Variants in NRG1 observed in about 807,000 individuals in gnomAD.
NRG1 encodes neuregulin 1.
A neutral mutation model predicts 63.8 loss-of-function variants in NRG1; 18 were observed. The ratio of observed to expected loss-of-function variants is 0.28; its 90% CI spans 0.19 to 0.42. The LOEUF is 0.42. NRG1 is among the 10% of genes least tolerant of loss of function. NRG1 has a pLI of 1.00. For missense variants in NRG1, 762 were observed against 814.7 expected, an observed-to-expected ratio of 0.94 and a Z score of 0.79; for synonymous variants, 302 against 301.3, an observed-to-expected ratio of 1.00 and a Z score of -0.02.
chr8:31,989,494 A>T (rs1343806482), intron 1 of NRG1, among the ~76,000 whole-genome samples: 1 of 151,984 alleles, frequency 6.6e-6, no homozygotes, highest in East Asian at 2.0e-4. Flanking sequence ...TAATCTCTAG[A>T]GTAATCTCCA....
intron 1 of NRG1, among the ~76,000 whole-genome samples, chr8:32,391,583 T>G (rs1811773757): frequency 6.6e-6 from 1 of 152,138 alleles, no homozygotes; most frequent in South Asian, 2.1e-4. Flanking sequence ...TCTCATCATG[T>G]AGCTCCCACT....
chr8:31,644,772 A>G (rs13256889), intron 1 of NRG1, among the ~76,000 whole-genome samples: 31,227 of 151,984 alleles, frequency 0.21, 3,786 homozygotes, highest in East Asian at 0.3. Flanking sequence ...GTACATTTCA[A>G]TGACAATTTA....
At chr8:32,554,081 G>A (rs185799983) in intron 1 of NRG1, among the ~76,000 whole-genome samples, 2 of 152,088 alleles carry the variant, frequency 1.3e-5, no homozygotes, top group African/African-American at 2.4e-5. Flanking sequence ...GCTCAAAGAC[G>A]CAAATGAATG....
At chr8:32,408,627 T>G (rs1814440624) in intron 1 of NRG1, among the ~76,000 whole-genome samples, 1 of 145,036 alleles carries the variant, frequency 6.9e-6, no homozygotes, top group Non-Finnish European at 1.6e-5. Flanking sequence ...GGAAGATACT[T>G]TAAGAAGGGA....
At chr8:32,345,484 A>G (rs1374626498) in intron 1 of NRG1, among the ~76,000 whole-genome samples, 1 of 152,116 alleles carries the variant, frequency 6.6e-6, no homozygotes, top group African/African-American at 2.4e-5. Flanking sequence ...GAGCAATTAG[A>G]CAGTTTGAGT....
At chr8:32,521,738 G>GA (rs1393736065) in intron 1 of NRG1, among the ~76,000 whole-genome samples, 2 of 152,078 alleles carry the variant, frequency 1.3e-5, no homozygotes, top group African/African-American at 2.4e-5. Flanking sequence ...TATTCTTAAA[G>GA]AAAGAGAAAA....
At chr8:32,348,882 A>G (rs10503911) in intron 1 of NRG1, among the ~76,000 whole-genome samples, 78,661 of 152,070 alleles carry the variant, frequency 0.52, 21,264 homozygotes, top group Non-Finnish European at 0.61. Context: ...AGTATTGAGA[A>G]GAGAAACATC....
intron 1 of NRG1, among the ~76,000 whole-genome samples, chr8:32,030,826 T>C (rs1818150720): frequency 6.6e-6 from 1 of 152,228 alleles, no homozygotes; most frequent in African/African-American, 2.4e-5. Flanking sequence ...AACAAAATGC[T>C]GAGAGCTTCC....
intron 11 of NRG1, chr8:32,763,092 T>C: frequency 1.0e-6 from 1 of 987,754 alleles, no homozygotes; most frequent in Non-Finnish European, 1.5e-6. Context: ...TGTTGGACAC[T>C]GGGATGGATA....
chr8:31,651,496 CAG>C (rs1384065570), intron 1 of NRG1, among the ~76,000 whole-genome samples: 1 of 152,162 alleles, frequency 6.6e-6, no homozygotes, highest in African/African-American at 2.4e-5. Flanking sequence ...GAGGTCAGCA[CAG>C]AGAGTGTGGA....
At chr8:32,728,212 G>C in intron 6 of NRG1, 134 bp downstream of exon 6, 1 of 1,482,026 alleles carries the variant, frequency 6.7e-7, no homozygotes, top group Non-Finnish European at 9.0e-7. Flanking sequence ...TATATGTAGA[G>C]TGTTTTAAAA....
intron 1 of NRG1, among the ~76,000 whole-genome samples, chr8:31,847,662 A>C (rs1826818130): frequency 6.6e-6 from 1 of 152,232 alleles, no homozygotes. Flanking sequence ...ACAAAAGACC[A>C]CATAAATGTT....
intron 1 of NRG1, among the ~76,000 whole-genome samples, chr8:31,760,150 C>A (rs533640343): frequency 2.0e-4 from 30 of 152,186 alleles, no homozygotes; most frequent in African/African-American, 7.0e-4. Context: ...ATGGTAACGC[C>A]TAGGTTTTCT....
At chr8:32,411,177 C>G (rs1814890288) in intron 1 of NRG1, among the ~76,000 whole-genome samples, 1 of 152,006 alleles carries the variant, frequency 6.6e-6, no homozygotes, top group Admixed American at 6.6e-5. Flanking sequence ...CCCAGCCAGC[C>G]CACACTTTTT....
chr8:32,515,478 G>A (rs774702467), intron 1 of NRG1, among the ~76,000 whole-genome samples: 104 of 151,882 alleles, frequency 6.8e-4, no homozygotes, highest in South Asian at 2.5e-3. Context: ...ACAGGGTCTC[G>A]CTCTGTTTCC....
At position 32,361,976 on chromosome 8, in the gene NRG1, C is replaced by T. The variant is rs564201677; in HGVS notation, c.38-233852C>T. ...GTCCTGCTTCCTTTCACAAAGCTGA[C>T]TCCCATGAGCTCTCCAGAGATGATC... On this transcript the variant is annotated intron_variant, in intron 1 of 10. Transcript: ENST00000519301. Among the ~76,000 whole-genome samples, 12 of 152,302 alleles carry T rather than the reference C, an allele frequency of 7.9e-5. No individual in the cohort carries two copies. The South Asian group carries it at 2.5e-3, about 32-fold the overall frequency.
intron 1 of NRG1, among the ~76,000 whole-genome samples, chr8:31,960,095 A>G (rs147153181): frequency 7.5e-4 from 114 of 152,304 alleles, no homozygotes; most frequent in African/African-American, 2.6e-3. Context: ...TCCAAGTGAA[A>G]AATCATGGGA....
At position 31,842,993 on chromosome 8, in the gene NRG1, A is replaced by G. The variant is rs534949192; in HGVS notation, c.37+203562A>G. On this transcript the variant is annotated intron_variant, in intron 1 of 10. Coordinates refer to the NRG1 transcript ENST00000519301. ...AGAAAATTGTCTGTGTCTTAAAATAATCTTCTATAAATTATGCGTATTAAC... is the reference window on the plus strand; with the variant it reads ...AGAAAATTGTCTGTGTCTTAAAATAGTCTTCTATAAATTATGCGTATTAAC... Among the ~76,000 whole-genome samples the G allele has an allele frequency of 1.3e-4, 20 of 152,306 alleles. 1 individual carries two copies. The South Asian group carries it at 4.1e-3, about 32-fold the overall frequency.
At chr8:32,234,358 T>C (rs528160154) in intron 1 of NRG1, among the ~76,000 whole-genome samples, 3 of 152,344 alleles carry the variant, frequency 2.0e-5, no homozygotes, top group Admixed American at 2.0e-4. Flanking sequence ...TTATGAGCAA[T>C]CATGCATGTA....
Sources: allele counts gnomAD v4.1 joint callset (sites outside exome capture counted in the v4.1 genomes callset), GRCh38; gene constraint gnomAD v4.1.1; transcripts MANE v1.5; gene names NCBI Gene and HGNC (gene_info 2026-07-23, HGNC 2026-07-21).